GRAMD4: variants seen among roughly 807,000 people sequenced by gnomAD.
The protein encoded by GRAMD4 is GRAM domain containing 4, also known as GRAM domain-containing protein 4.
Under a neutral mutation model 83.9 loss-of-function variants are expected in GRAMD4, and 25 were observed. The observed-to-expected ratio is 0.30, with a 90% confidence interval of 0.22 to 0.42. The LOEUF (loss-of-function observed/expected upper bound fraction) is 0.42, where lower values mean the gene tolerates loss of function less well. Among genes scored for constraint, GRAMD4 ranks in the 10% least tolerant of loss-of-function variants. GRAMD4 has a pLI of 1.00. For missense variants in GRAMD4, 593 were observed against 788.7 expected (o/e 0.75, Z 2.97); for synonymous variants, 336 against 320.9 (o/e 1.05, Z -0.50).
chr22:46,619,404 G>A (rs1313099153), upstream of GRAMD4, among the ~76,000 whole-genome samples: 1 of 152,112 alleles, frequency 6.6e-6, no homozygotes, highest in African/African-American at 2.4e-5. Flanking sequence ...TGGTACGATC[G>A]TGGTTCACCG....
chr22:46,605,190 A>G (rs1019370834), intron 1 of GRAMD4, among the ~76,000 whole-genome samples: 8 of 151,976 alleles, frequency 5.3e-5, no homozygotes, highest in Admixed American at 5.2e-4. Flanking sequence ...GGGTTCACCC[A>G]GGTTCTGGTG....
chr22:46,676,451 CCCTTA>C, intron 17 of GRAMD4, 144 bp from the exon 18 acceptor site: 1 of 657,088 alleles, frequency 1.5e-6, no homozygotes, highest in Non-Finnish European at 2.7e-6. Context: ...TGTCCACAGG[CCCTTA>C]CCTTCTGTTG....
At chr22:46,649,897 G>T (rs375388953) in intron 3 of GRAMD4, among the ~76,000 whole-genome samples, 2 of 152,254 alleles carry the variant, frequency 1.3e-5, no homozygotes, top group African/African-American at 4.8e-5. Flanking sequence ...AGATGAAGCC[G>T]TACTCTGGGC....
rs775554065 is a variant in GRAMD4 at position 46,668,904 on chromosome 22, C to T, written c.1080C>T (p.Ala360=). The T allele has an allele frequency of 4.4e-6, 7 of 1,592,530 alleles. No homozygotes were observed. Among genetic ancestry groups the T allele is most frequent in the South Asian group, 1.1e-5 (1 of 90,694 alleles). ...TCCCCTACCGCCTGGTGGGGCTTGC[C>T]GTGGGTAAGTAGATGCACCTGCGGC... is the stretch of plus-strand genomic sequence containing the variant. The part of the protein sequence containing the change: ...CFFPYRLVGL[A]VGLYAGIKFF... The change falls in exon 13 of 19, where the codon GCC becomes GCT. Residue 360 remains alanine, a synonymous_variant. Transcript: ENST00000406902.
intron 5 of GRAMD4, 77 bp downstream of exon 5, chr22:46,661,519 A>G (rs976619739): frequency 9.4e-7 from 1 of 1,059,590 alleles, no homozygotes; most frequent in Non-Finnish European, 1.4e-6. Context: ...CTGTAGGCCC[A>G]GGTTAACAAT....
At chr22:46,590,295 G>A (rs539320074) in intron 1 of GRAMD4, among the ~76,000 whole-genome samples, 12 of 152,302 alleles carry the variant, frequency 7.9e-5, no homozygotes, top group Admixed American at 1.3e-4. Flanking sequence ...TTGGTGGGAG[G>A]CTTTGATTGG....
At chr22:46,580,596 G>A (rs2081087838) in intron 1 of GRAMD4, among the ~76,000 whole-genome samples, 1 of 152,162 alleles carries the variant, frequency 6.6e-6, no homozygotes, top group Non-Finnish European at 1.5e-5. Context: ...CTTGGCTGCT[G>A]GGGATATGTA....
At chr22:46,619,961 G>A (rs113200826), upstream of GRAMD4, among the ~76,000 whole-genome samples, 1 of 152,140 alleles carries the variant, frequency 6.6e-6, no homozygotes, top group Non-Finnish European at 1.5e-5. Flanking sequence ...CAGGAGAGCC[G>A]CCAGATAATA....
At chr22:46,616,392 G>GTGTGTAGGTT (rs1491312462), upstream of GRAMD4, among the ~76,000 whole-genome samples, 119 of 64,294 alleles carry the variant, frequency 1.9e-3, 24 homozygotes, top group African/African-American at 4.7e-3. Flanking sequence ...GTTCCCCTGT[G>GTGTGTAGGTT]CGTGTAGGTT....
Position 46,621,709 on chromosome 22 carries a change from C to T in GRAMD4, c.-50+1144C>T. Among the ~76,000 whole-genome samples the T allele has an allele frequency of 7.0e-6, 1 of 143,616 alleles. No homozygotes were observed. Among genetic ancestry groups the T allele is most frequent in the Non-Finnish European group, 1.5e-5 (1 of 66,090 alleles). 94.2% of individuals were successfully genotyped at this position (143,616 alleles called of 152,430 possible). A position where few individuals can be genotyped will look rare whatever the true frequency, so the allele number is the denominator to read the frequency against. On this transcript the variant is annotated intron_variant, in intron 1 of 18. Coordinates refer to ENST00000406902, the MANE Select transcript of GRAMD4 (RefSeq NM_015124.5). The surrounding 1 kb of genome is among the most constrained non-coding windows in gnomAD (Gnocchi z 5.8). ...CACAGGCTGGAGGCGTAGCCCGGGCCCGTCCCTGGCGCTGTGTCGCGGAGG... is the reference window on the plus strand; with the variant it reads ...CACAGGCTGGAGGCGTAGCCCGGGCTCGTCCCTGGCGCTGTGTCGCGGAGG...
At chr22:46,627,570 A>G (rs563444737) in intron 2 of GRAMD4, among the ~76,000 whole-genome samples, 1 of 152,282 alleles carries the variant, frequency 6.6e-6, no homozygotes, top group Non-Finnish European at 1.5e-5. Context: ...GGGGTGGGGC[A>G]GGGCCCGAAG....
At chr22:46,612,858 C>T (rs138502) in intron 1 of GRAMD4, among the ~76,000 whole-genome samples, 121,250 of 152,234 alleles carry the variant, frequency 0.8, 49,007 homozygotes, top group East Asian at 1. Context: ...TCCTGCTTCC[C>T]GGGGCCCCCA....
At chr22:46,654,653 G>A (rs973266261) in intron 3 of GRAMD4, among the ~76,000 whole-genome samples, 4 of 152,224 alleles carry the variant, frequency 2.6e-5, no homozygotes, top group African/African-American at 9.7e-5. Context: ...CCTCCACTCC[G>A]TGCACGGCCC....
chr22:46,627,100 C>T, intron 2 of GRAMD4, 139 bp downstream of exon 2: 1 of 645,092 alleles, frequency 1.6e-6, no homozygotes, highest in South Asian at 1.8e-5. Flanking sequence ...CTCTGTCTCA[C>T]CTGCTCCCGA....
At chr22:46,637,256 C>CTT (rs10644251) in intron 2 of GRAMD4, among the ~76,000 whole-genome samples, 12,797 of 143,060 alleles carry the variant, frequency 0.089, 767 homozygotes, top group African/African-American at 0.16. Flanking sequence ...ATCCAGTTCC[C>CTT]TTTTTTTTTT....
intron 3 of GRAMD4, among the ~76,000 whole-genome samples, chr22:46,644,897 C>CTTTTT (rs35677843): frequency 0.01 from 424 of 41,008 alleles, 58 homozygotes; most frequent in East Asian, 0.017. Flanking sequence ...TGCACATGGC[C>CTTTTT]TTTTTTTTTT....
In GRAMD4 at chr22:46,663,801, T is replaced by G. The variant is rs1245320149; in HGVS notation, c.600-37T>G. ...GGGGACTGCAGAGCCGGCGGGTGCA[T>G]TAACCCTGGGCTCCCATCTCTCCCC... On this transcript the variant is annotated intron_variant, in intron 6 of 18. Transcript: ENST00000406902. 3 of 1,610,992 alleles carry G rather than the reference T, an allele frequency of 1.9e-6. No homozygotes were observed. The South Asian group carries it at 3.3e-5, about 18-fold the overall frequency.
chr22:46,668,061 T>G, intron 10 of GRAMD4, 35 bp from the exon 11 acceptor site: 2 of 1,472,448 alleles, frequency 1.4e-6, no homozygotes, highest in African/African-American at 2.8e-5. Context: ...ACTGTTAAAT[T>G]TCAGTGGAAA....
intron 3 of GRAMD4, among the ~76,000 whole-genome samples, chr22:46,640,163 G>A (rs959375398): frequency 6.6e-6 from 1 of 152,204 alleles, no homozygotes; most frequent in South Asian, 2.1e-4. Context: ...TGCCTTATCC[G>A]CTGAACCTCA....
Sources: gnomAD v4.1 joint callset for allele counts (sites outside exome capture counted in the v4.1 genomes callset) on GRCh38, gnomAD v4.1.1 for gene constraint, Gnocchi (gnomAD v3.1) non-coding constraint, MANE v1.5 for transcripts, NCBI Gene and HGNC (gene_info 2026-07-23, HGNC 2026-07-21) for gene names.